Variants in STIM1 observed in about 807,000 individuals in gnomAD.
STIM1 encodes stromal interaction molecule 1.
STIM1 carries 25 observed loss-of-function variants against 74.7 expected under a neutral mutation model. The ratio of observed to expected loss-of-function variants is 0.33; its 90% CI spans 0.24 to 0.47. The LOEUF is 0.47. Ranked by LOEUF, STIM1 falls within the 20% of genes least tolerant of loss-of-function variation. The probability of loss-of-function intolerance (pLI) is 1.00; values close to 1 mark genes in which losing one functional copy is unlikely to be tolerated. For synonymous variants in STIM1, 328 were observed against 348.8 expected, an observed-to-expected ratio of 0.94 and a Z score of 0.66; for missense variants, 728 against 920.8, an observed-to-expected ratio of 0.79 and a Z score of 2.71.
chr11:3,980,052 G>A (rs2093486904), intron 2 of STIM1, among the ~76,000 whole-genome samples: 1 of 152,118 alleles, frequency 6.6e-6, no homozygotes, highest in African/African-American at 2.4e-5. Flanking sequence ...CACTTAATTA[G>A]AAATTGCCTT....
At chr11:3,911,783 C>T (rs948503547) in intron 1 of STIM1, among the ~76,000 whole-genome samples, 6 of 152,200 alleles carry the variant, frequency 3.9e-5, no homozygotes, top group African/African-American at 1.4e-4. Context: ...GGCAGGCAGT[C>T]TATTCTACTG....
In STIM1 at chr11:3,974,002, C is replaced by T. The variant is rs1565133239; in HGVS notation, c.270+6320C>T. On this transcript the variant is annotated intron_variant, in intron 2 of 12. Transcript: ENST00000526596. Reference sequence around the variant, plus strand: ...CTTCTCTTGATACAGCTCTTCTGTCCACCTTATGTAGCCTTGCATTCACGG... The same window carrying T: ...CTTCTCTTGATACAGCTCTTCTGTCTACCTTATGTAGCCTTGCATTCACGG... The T allele has an allele frequency of 5.9e-6, 4 of 682,150 alleles. No homozygotes were observed. The South Asian group carries it at 6.0e-5, about 10-fold the overall frequency. The allele number at this position is 682,150 out of a possible 1,614,324, so 42.3% of individuals were successfully genotyped here.
chr11:4,017,344 C>T (rs1327525039), intron 2 of STIM1, among the ~76,000 whole-genome samples: 3 of 152,158 alleles, frequency 2.0e-5, no homozygotes, highest in African/African-American at 7.2e-5. Context: ...CTTTTGGCAT[C>T]ATCTTCTCTC....
At chr11:3,965,343 A>G (rs73427553) in intron 1 of STIM1, among the ~76,000 whole-genome samples, 1,894 of 152,332 alleles carry the variant, frequency 0.012, 42 homozygotes, top group African/African-American at 0.044. Flanking sequence ...CACTTAGCAC[A>G]TAGTGTTTTA....
intron 12 of STIM1, among the ~76,000 whole-genome samples, chr11:4,087,184 A>G (rs2094498822): frequency 6.6e-6 from 1 of 152,156 alleles, no homozygotes; most frequent in African/African-American, 2.4e-5. Flanking sequence ...ACAAACATTT[A>G]CTAATGCCTA....
chr11:3,856,310 G>A lies in STIM1; in HGVS notation c.40G>A (p.Gly14Arg). Residue 14 changes from glycine to arginine, a missense_variant, in exon 1 of 13, where the codon GGA (glycine) becomes AGA (arginine). Transcript: ENST00000526596. Reference sequence around the variant, plus strand: ...CCGTCTTGCCCTGTGGCTCCTCTGGGGACTCCTCCTGCACCAGGGCCAGAG... The same window carrying A: ...CCGTCTTGCCCTGTGGCTCCTCTGGAGACTCCTCCTGCACCAGGGCCAGAG... ...CVRLALWLLW[G>R]LLLHQGQSLS... The A allele has an allele frequency of 6.2e-7, 1 of 1,614,176 alleles. No individual in the cohort carries two copies. The highest frequency in any genetic ancestry group is 8.5e-7 in the Non-Finnish European group (1 of 1,180,036).
intron 1 of STIM1, chr11:3,867,292 G>A (rs2090897870): frequency 6.6e-6 from 1 of 152,254 alleles, no homozygotes; most frequent in Non-Finnish European, 1.5e-5. Flanking sequence ...TTGGTTGGCA[G>A]TTTTTGTTTG....
At chr11:4,040,720 C>T (rs2094141181) in intron 3 of STIM1, among the ~76,000 whole-genome samples, 1 of 152,212 alleles carries the variant, frequency 6.6e-6, no homozygotes, top group Admixed American at 6.5e-5. Flanking sequence ...AGTTGTTTGG[C>T]CTACCCAACA....
chr11:3,936,883 G>C lies in STIM1; in HGVS notation c.140-30669G>C, dbSNP rs1312613410. 3.9e-5 allele frequency among the ~76,000 whole-genome samples: 6 copies of C among 152,140 alleles called. No homozygotes were observed. The East Asian group carries it at 1.2e-3, about 29-fold the overall frequency. On this transcript the variant is annotated intron_variant, in intron 1 of 12. Coordinates refer to ENST00000526596, the MANE Select transcript of STIM1 (RefSeq NM_001382567.1). ...TGTTTTTCTTTGTGGCTTCAGAAGG[G>C]GTAATTAGAACCCAATGGGTGGGAT... is the stretch of plus-strand genomic sequence containing the variant.
intron 1 of STIM1, among the ~76,000 whole-genome samples, chr11:3,904,539 T>A (rs893391622): frequency 1.3e-5 from 2 of 152,112 alleles, no homozygotes; most frequent in African/African-American, 4.8e-5. Context: ...AAGATGGGTG[T>A]GACATGACCA....
intron 2 of STIM1, among the ~76,000 whole-genome samples, chr11:4,012,096 T>C (rs1363599318): frequency 3.3e-5 from 5 of 152,232 alleles, no homozygotes; most frequent in Middle Eastern, 3.2e-3. Flanking sequence ...CCTGTTTTGG[T>C]ACCAGTACCA....
intron 2 of STIM1, among the ~76,000 whole-genome samples, chr11:3,998,070 A>G (rs1216016773): frequency 6.6e-6 from 1 of 152,170 alleles, no homozygotes; most frequent in Non-Finnish European, 1.5e-5. Context: ...ACGTTCTTTT[A>G]GTATCTTTAA....
At chr11:3,973,550 C>G (rs1590613897) in intron 2 of STIM1, 1 of 211,244 alleles carries the variant, frequency 4.7e-6, no homozygotes, top group African/African-American at 2.3e-5. Context: ...CAGGCGCGCA[C>G]CACTGCACCT....
At chr11:3,955,263 G>C (rs1315995062) in intron 1 of STIM1, among the ~76,000 whole-genome samples, 1 of 152,174 alleles carries the variant, frequency 6.6e-6, no homozygotes, top group East Asian at 1.9e-4. Flanking sequence ...GAATATTCTG[G>C]GGTGATGGAA....
intron 5 of STIM1, among the ~76,000 whole-genome samples, chr11:4,068,604 C>T (rs1282014096): frequency 6.6e-6 from 1 of 152,098 alleles, no homozygotes; most frequent in Non-Finnish European, 1.5e-5. Context: ...TTGTAGCCTG[C>T]CTGGAGGCTA....
intron 2 of STIM1, among the ~76,000 whole-genome samples, chr11:4,011,435 A>G (rs2959077): frequency 0.44 from 67,130 of 151,788 alleles, 16,019 homozygotes; most frequent in East Asian, 0.61. Flanking sequence ...ATAGTATCTC[A>G]TTGTGATTTT....
At chr11:3,973,545 G>A (rs908331411) in intron 2 of STIM1, 5 of 215,012 alleles carry the variant, frequency 2.3e-5, no homozygotes, top group South Asian at 7.6e-5. Flanking sequence ...GACTACAGGC[G>A]CGCACCACTG....
chr11:3,890,050 G>A (rs2091848691), intron 1 of STIM1, among the ~76,000 whole-genome samples: 1 of 152,086 alleles, frequency 6.6e-6, no homozygotes, highest in African/African-American at 2.4e-5. Flanking sequence ...CTTATTCCCT[G>A]ACCATGTGTT....
chr11:4,001,558 G>T (rs191077486), intron 2 of STIM1, among the ~76,000 whole-genome samples: 1 of 152,078 alleles, frequency 6.6e-6, no homozygotes. Flanking sequence ...TCACCACCAG[G>T]TCTGCCCTAA....
Sources: allele counts gnomAD v4.1 joint callset (sites outside exome capture counted in the v4.1 genomes callset), GRCh38; gene constraint gnomAD v4.1.1; transcripts MANE v1.5; gene names NCBI Gene and HGNC (gene_info 2026-07-23, HGNC 2026-07-21).